Variants in IPO13 observed in about 807,000 individuals in gnomAD.
The protein encoded by IPO13 is importin 13.
A neutral mutation model predicts 115.5 loss-of-function variants in IPO13; 28 were observed. The observed-to-expected ratio is 0.24, with a 90% CI of 0.18 to 0.33. The LOEUF (loss-of-function observed/expected upper bound fraction) is 0.33, where lower values mean the gene tolerates loss of function less well. Ranked by LOEUF, IPO13 falls within the 10% of genes least tolerant of loss-of-function variation. The pLI, the probability that IPO13 is intolerant of heterozygous loss-of-function variation, is 1.00. For missense variants in IPO13, 785 were observed against 1,204.6 expected (o/e 0.65, Z 5.16); for synonymous variants, 414 against 478.9 (o/e 0.86, Z 1.77).
Position 43,947,472 on chromosome 1 carries a change from C to T in IPO13, c.-129C>T, listed in dbSNP as rs550732108. On this transcript the variant is annotated 5_prime_UTR_variant, in exon 1 of 20. Coordinates refer to ENST00000372343, the MANE Select transcript of IPO13 (RefSeq NM_014652.4). The stretch of plus-strand genomic sequence containing the variant: ...GTGGGGAGGCCTCGGCAGCCATGCC[C>T]GCCCTGGGCCCCCCCTCACCCCACC... 1.6e-4 allele frequency: 74 copies of T among 476,610 alleles called. No individual in the cohort carries two copies. Among genetic ancestry groups the T allele is most frequent in the African/African-American group, 1.2e-3 (59 of 50,194 alleles). 29.5% of individuals were successfully genotyped at this position (476,610 alleles called of 1,614,324 possible).
chr1:43,967,689 C>T lies in IPO13; in HGVS notation c.*7C>T. On this transcript the variant is annotated 3_prime_UTR_variant, in exon 20 of 20. Transcript: ENST00000372343. The surrounding 1 kb of genome is among the most constrained non-coding windows in gnomAD (Gnocchi z 6.1). ...TTACACAGCTGACTACTGAGGGGTG[C>T]CCCCATCCCATCCACCCCTTCTCTT... 6.2e-7 allele frequency: 1 copy of T among 1,611,816 alleles called. No homozygotes were observed. The highest frequency in any genetic ancestry group is 8.5e-7 in the Non-Finnish European group (1 of 1,177,900).
Position 43,952,074 on chromosome 1 carries a change from T to A in IPO13, c.821+1921T>A, listed in dbSNP as rs933002058. ...GGTTGGGATGGTCAGTAGCATGCAT[T>A]TGTACCTTTGGGTTATTGATACGTT... On this transcript the variant is annotated intron_variant, in intron 2 of 19. Coordinates refer to ENST00000372343, the MANE Select transcript of IPO13 (RefSeq NM_014652.4). This position sits in a 1 kb window ranked among gnomAD's most constrained non-coding sequence, Gnocchi z 4.7. Among the ~76,000 whole-genome samples the A allele has an allele frequency of 6.6e-6, 1 of 152,202 alleles. No individual in the cohort carries two copies. Among genetic ancestry groups the A allele is most frequent in the African/African-American group, 2.4e-5 (1 of 41,444 alleles).
intron 11 of IPO13, among the ~76,000 whole-genome samples, chr1:43,959,371 A>C (rs2085274587): frequency 6.6e-6 from 1 of 152,186 alleles, no homozygotes; most frequent in Non-Finnish European, 1.5e-5. Flanking sequence ...AATTGTCACA[A>C]AGCAGTGTGA....
rs1269851304 is a variant in IPO13 at position 43,958,869 on chromosome 1, G to A, written c.2008G>A (p.Val670Met). The change falls in exon 11 of 20, where the codon GTG (valine) becomes ATG (methionine). Residue 670 changes from valine (V) to methionine (M), a missense_variant. This residue lies in a region of IPO13 where 285 missense variants were observed against 394.8 expected (regional missense o/e 0.72). Coordinates refer to ENST00000372343, the MANE Select transcript of IPO13 (RefSeq NM_014652.4). This position sits in a 1 kb window ranked among gnomAD's most constrained non-coding sequence, Gnocchi z 6.3. ...AGGCCCTGAGCTTCGGAAGCTGCCA[G>A]TGCCACAGGGACCCAACCCCGTGGG... is the stretch of plus-strand genomic sequence containing the variant. ...HEGPELRKLP[V>M]PQGPNPVVVV... 6 of 1,614,132 alleles carry A rather than the reference G, an allele frequency of 3.7e-6. No homozygotes were observed. The highest frequency in any genetic ancestry group is 3.3e-5 in the Admixed American group (2 of 60,030).
At chr1:43,964,389 AT>A (rs2085308618) in intron 15 of IPO13, 68 bp downstream of exon 15, 1 of 1,290,946 alleles carries the variant, frequency 7.7e-7, no homozygotes, top group South Asian at 1.3e-5. Flanking sequence ...TTGAAATTCA[AT>A]TTAAGCCTAT....
intron 11 of IPO13, among the ~76,000 whole-genome samples, chr1:43,959,210 A>T (rs567675328): frequency 4.6e-5 from 7 of 152,272 alleles, no homozygotes; most frequent in Admixed American, 3.3e-4. Flanking sequence ...AAGTGATTTT[A>T]TGGGCCCCTG....
Position 43,952,601 on chromosome 1 carries a change from A to G in IPO13, c.821+2448A>G, listed in dbSNP as rs1429451349. On this transcript the variant is annotated intron_variant, in intron 2 of 19. Coordinates refer to ENST00000372343, the MANE Select transcript of IPO13 (RefSeq NM_014652.4). This position sits in a 1 kb window ranked among gnomAD's most constrained non-coding sequence, Gnocchi z 4.7. ...GTGGGCCTAGTTGTTCAGTGGCTAA[A>G]TTTGAAAAGGAGTTGGTTTCCTATA... Among the ~76,000 whole-genome samples the G allele has an allele frequency of 2.6e-5, 4 of 152,200 alleles. No homozygotes were observed. The highest frequency in any genetic ancestry group is 9.7e-5 in the African/African-American group (4 of 41,444).
Position 43,966,032 on chromosome 1 carries a change from A to G in IPO13, c.2398-543A>G. 5.5e-6 allele frequency: 1 copy of G among 182,636 alleles called. No individual in the cohort carries two copies. The highest frequency in any genetic ancestry group is 1.2e-5 in the Non-Finnish European group (1 of 84,952). The allele number at this position is 182,636 out of a possible 1,614,324, so 11.3% of individuals were successfully genotyped here. A position where few individuals can be genotyped will look rare whatever the true frequency, so the allele number is the denominator to read the frequency against. On this transcript the variant is annotated intron_variant, in intron 15 of 19. Transcript: ENST00000372343. This position sits in a 1 kb window ranked among gnomAD's most constrained non-coding sequence, Gnocchi z 4.1. ...GCCTGGACACAGGGTACCCTGGGTGAAAGATGGGGCTGAGGCTCCAAGGCT... is the reference window on the plus strand; with the variant it reads ...GCCTGGACACAGGGTACCCTGGGTGGAAGATGGGGCTGAGGCTCCAAGGCT...
At position 43,967,587 on chromosome 1, in the gene IPO13, G is replaced by A. The variant is rs1198835456; in HGVS notation, c.2797G>A (p.Glu933Lys). 22 of 1,614,208 alleles carry A rather than the reference G, an allele frequency of 1.4e-5. No individual in the cohort carries two copies. The highest frequency in any genetic ancestry group is 1.8e-5 in the Non-Finnish European group (21 of 1,180,030). ...CCTGCTCTCCCTTTTCTCCTTCAGC[G>A]AGCGAGTGAACAAGAGGCGGGTGAA... ...KDTFSQQILRERVNKRRVKEM... is the reference protein window; with the variant it reads ...KDTFSQQILRKRVNKRRVKEM... The change falls in exon 20 of 20, where the codon GAG (glutamate) becomes AAG (lysine). Residue 933 changes from glutamate (E) to lysine (K), a missense_variant and splice_region_variant. Glu to Lys is a moderately conservative substitution (Grantham distance 56). Transcript: ENST00000372343. This position sits in a 1 kb window ranked among gnomAD's most constrained non-coding sequence, Gnocchi z 6.1.
chr1:43,961,121 G>T lies in IPO13; in HGVS notation c.2248-45G>T, dbSNP rs749141914. The T allele has an allele frequency of 2.1e-5, 33 of 1,602,724 alleles. No individual in the cohort carries two copies. In the East Asian group the frequency reaches 6.7e-4, roughly 32 times the overall value. Reference sequence around the variant, plus strand: ...ATTCCAGGGATATTGCCATGTCCTGGTGAGACTGGGTCTCAGCTGACCAGC... The same window carrying T: ...ATTCCAGGGATATTGCCATGTCCTGTTGAGACTGGGTCTCAGCTGACCAGC... On this transcript the variant is annotated intron_variant, in intron 13 of 19. Coordinates refer to ENST00000372343, the MANE Select transcript of IPO13 (RefSeq NM_014652.4).
chr1:43,958,028 T>G lies in IPO13; in HGVS notation c.1592T>G (p.Leu531Arg). The change falls in exon 8 of 20, where the codon CTG becomes CGG. Residue 531 changes from leucine (L) to arginine (R), a missense_variant. Around this residue, in one of 3 missense-constraint regions of IPO13, gnomAD observed 175 missense variants for 360.0 expected, o/e 0.49. Transcript: ENST00000372343. This position sits in a 1 kb window ranked among gnomAD's most constrained non-coding sequence, Gnocchi z 6.3. ...ADHPVMINSV[L>R]PLVLHALGNP... The stretch of plus-strand genomic sequence containing the variant: ...CACCCCGTCATGATCAACAGTGTTC[T>G]GCCCTTGGTACTGCATGCCCTAGGC... 1 of 1,614,192 alleles carries G rather than the reference T, an allele frequency of 6.2e-7. No homozygotes were observed. The highest frequency in any genetic ancestry group is 8.5e-7 in the Non-Finnish European group (1 of 1,180,026).
At position 43,947,279 on chromosome 1, in the gene IPO13, C is replaced by CTCCCCT. The variant is rs1571759537; in HGVS notation, c.-321_-316dup. ...GACTCGGTTTCCCCCGCAGGCCTCCCTCCCCTGTGACTCCCTCCACACAGA... is the reference window on the plus strand; with the variant it reads ...GACTCGGTTTCCCCCGCAGGCCTCCCTCCCCTTCCCCTGTGACTCCCTCCACACAGA... On this transcript the variant is annotated 5_prime_UTR_variant, in exon 1 of 20. Coordinates refer to ENST00000372343, the MANE Select transcript of IPO13 (RefSeq NM_014652.4). The CTCCCCT allele has an allele frequency of 1.5e-5, 6 of 399,100 alleles. No individual in the cohort carries two copies. The East Asian group carries it at 2.1e-4, about 14-fold the overall frequency. The allele number at this position is 399,100 out of a possible 1,614,324, so 24.7% of individuals were successfully genotyped here. A position where few individuals can be genotyped will look rare whatever the true frequency, so the allele number is the denominator to read the frequency against.
chr1:43,962,189 C>A (rs1232001724), intron 14 of IPO13, among the ~76,000 whole-genome samples: 1 of 152,030 alleles, frequency 6.6e-6, no homozygotes, highest in African/African-American at 2.4e-5. Context: ...AAAACTGAAC[C>A]AGAAACCTGG....
rs750473241 is a variant in IPO13, at chr1:43,967,415, A to G, written c.2714A>G (p.Lys905Arg). ...TTCAGCCTCCTGAGCATGTGGATCA[A>G]GGAGGCCCTGCAGCCACCTGGTTTC... ...HCFSLLSMWI[K>R]EALQPPGFPS... is the part of the protein sequence containing the mutation. The change falls in exon 19 of 20, where the codon AAG becomes AGG. Residue 905 changes from lysine (K) to arginine (R), a missense_variant. By Grantham distance (26) the Lys-to-Arg change is conservative. Coordinates refer to ENST00000372343, the MANE Select transcript of IPO13 (RefSeq NM_014652.4). This position sits in a 1 kb window ranked among gnomAD's most constrained non-coding sequence, Gnocchi z 6.1. 1.5e-5 allele frequency: 25 copies of G among 1,614,010 alleles called. No individual in the cohort carries two copies. The highest frequency in any genetic ancestry group is 2.0e-5 in the Non-Finnish European group (24 of 1,180,018).
rs756841217 is a variant in IPO13, at chr1:43,958,820, C to T, written c.1959C>T (p.Ile653=). ...LLSNLFTTLD[I]SHHEDDHEGP... ...CCAACCTCTTCACCACACTGGACAT[C>T]AGTCATCATGAGGATGATCATGAAG... Residue 653 remains isoleucine (I), a synonymous_variant, in exon 11 of 20, where the codon ATC becomes ATT. Transcript: ENST00000372343. The surrounding 1 kb of genome is among the most constrained non-coding windows in gnomAD (Gnocchi z 6.3). 8.1e-6 allele frequency: 13 copies of T among 1,614,010 alleles called. No individual in the cohort carries two copies. The Admixed American group carries it at 2.2e-4, about 27-fold the overall frequency.
intron 2 of IPO13, among the ~76,000 whole-genome samples, chr1:43,954,600 A>C (rs1278271275): frequency 6.6e-6 from 1 of 152,168 alleles, no homozygotes; most frequent in African/African-American, 2.4e-5. Flanking sequence ...TCCTCTGCTT[A>C]GTCTCATCTC....
chr1:43,966,642 G>A lies in IPO13; in HGVS notation c.2464+1G>A. 6.2e-7 allele frequency: 1 copy of A among 1,614,182 alleles called. No homozygotes were observed. The highest frequency in any genetic ancestry group is 8.5e-7 in the Non-Finnish European group (1 of 1,180,006). ...GATGTCAAAGCTGTGTTCCAGTGTG[G>A]TAAGTGGGGCGAGATGGACAGGTGG... On this transcript the variant is annotated splice_donor_variant, in intron 16 of 19. Transcript: ENST00000372343. LOFTEE classifies it high-confidence loss of function. This position sits in a 1 kb window ranked among gnomAD's most constrained non-coding sequence, Gnocchi z 4.1.
intron 15 of IPO13, among the ~76,000 whole-genome samples, chr1:43,964,806 G>C (rs1225924010): frequency 6.6e-6 from 1 of 152,200 alleles, no homozygotes; most frequent in Non-Finnish European, 1.5e-5. Context: ...CCAGAGTTGG[G>C]CTGTTGGAGA....
At chr1:43,950,274 C>A (rs569769421) in intron 2 of IPO13, 121 bp downstream of exon 2, 3 of 1,170,250 alleles carry the variant, frequency 2.6e-6, no homozygotes, top group East Asian at 2.6e-5. Flanking sequence ...GCTGGAGATA[C>A]AGCAAGGAAC....
Sources: gnomAD v4.1 joint callset for allele counts (sites outside exome capture counted in the v4.1 genomes callset) on GRCh38, gnomAD v4.1.1 for gene constraint, gnomAD v4.1.1 regional missense constraint, Gnocchi (gnomAD v3.1) non-coding constraint, MANE v1.5 for transcripts, NCBI Gene and HGNC (gene_info 2026-07-23, HGNC 2026-07-21) for gene names.